The following LRRC53 variants were observed in gnomAD, a reference collection of about 807,000 sequenced individuals.
LRRC53 encodes the protein leucine rich repeat containing 53, also known as leucine-rich repeat-containing protein 53.
In LRRC53, 25 loss-of-function variants were observed where a neutral mutation model predicts 13.6. The observed-to-expected ratio is 1.83, with a 90% confidence interval of 1.34 to 2.56. The LOEUF (loss-of-function observed/expected upper bound fraction) is 2.56, where lower values mean the gene tolerates loss of function less well. LRRC53 is among the 30% of genes most tolerant of loss of function. The pLI is 0.00. For synonymous variants in LRRC53, 204 were observed against 109.8 expected, an observed-to-expected ratio of 1.86 and a Z score of -5.37; for missense variants, 527 against 275.8, an observed-to-expected ratio of 1.91 and a Z score of -6.45.
At position 74,469,580 on chromosome 1, in the gene LRRC53, T is replaced by A. The variant is rs547342007; in HGVS notation, c.*298A>T. 370 of 86,710 alleles carry A rather than the reference T, an allele frequency of 4.3e-3. 2 individuals carry two copies. The African/African-American group carries it at 0.094, about 22-fold the overall frequency. The allele number at this position is 86,710 out of a possible 1,614,324, so 5.4% of individuals were successfully genotyped here. On this transcript the variant is annotated 3_prime_UTR_variant, in exon 5 of 5. Transcript: ENST00000294635. ...TGTAGTTTTTCATTTGTTTAAGGCT[T>A]TTTTTTTTTCAATGTTTGCTTGCTT...
chr1:74,499,443 T>C (rs1669496413), intron 1 of LRRC53, among the ~76,000 whole-genome samples: 1 of 152,222 alleles, frequency 6.6e-6, no homozygotes, highest in African/African-American at 2.4e-5. Context: ...ACAATAACTT[T>C]TATTAAAGTA....
chr1:74,516,675 G>C (rs555341236), upstream of LRRC53, among the ~76,000 whole-genome samples: 77 of 152,262 alleles, frequency 5.1e-4, no homozygotes, highest in African/African-American at 1.7e-3. Flanking sequence ...CGTTTAAAAA[G>C]AAGGACATTT....
chr1:74,481,150 T>A (rs1668482112), intron 2 of LRRC53, among the ~76,000 whole-genome samples, 182 bp from the exon 3 acceptor site: 2 of 152,222 alleles, frequency 1.3e-5, no homozygotes, highest in South Asian at 4.1e-4. Context: ...TGGCTATATA[T>A]CAAAATGATG....
At chr1:74,532,462 CTT>C in the LRRC53 span, among the ~76,000 whole-genome samples, 161 of 151,328 alleles carry the variant, frequency 1.1e-3, no homozygotes, top group African/African-American at 3.8e-3. Flanking sequence ...TTATTTTTTT[CTT>C]TTTTTTCTTT....
intron 1 of LRRC53, among the ~76,000 whole-genome samples, chr1:74,505,125 A>C (rs1021663900): frequency 3.3e-5 from 5 of 152,152 alleles, no homozygotes; most frequent in Admixed American, 6.5e-5. Context: ...GCCCACTCTT[A>C]AGCACATCAA....
chr1:74,523,170 T>C, the LRRC53 span, among the ~76,000 whole-genome samples: 4 of 152,186 alleles, frequency 2.6e-5, no homozygotes, highest in African/African-American at 9.6e-5. Context: ...GAAAACAATA[T>C]ATATAATAAT....
the LRRC53 span, among the ~76,000 whole-genome samples, chr1:74,531,169 AT>A: frequency 1.3e-5 from 2 of 152,254 alleles, no homozygotes. Flanking sequence ...TGAAAGAGAT[AT>A]TTTGCACTAA....
At chr1:74,475,116 CCACACACACACACACACA>C (rs3058791) in intron 4 of LRRC53, among the ~76,000 whole-genome samples, 161 bp downstream of exon 4, 6 of 135,912 alleles carry the variant, frequency 4.4e-5, no homozygotes, top group South Asian at 2.6e-4. Context: ...CCACCTCAGC[CCACACACACACACACACA>C]CACACACACA....
chr1:74,518,178 G>T, the LRRC53 span, among the ~76,000 whole-genome samples: 1 of 152,180 alleles, frequency 6.6e-6, no homozygotes, highest in East Asian at 1.9e-4. Context: ...TGGCCCAGTG[G>T]AGTAGATGGA....
intron 1 of LRRC53, among the ~76,000 whole-genome samples, chr1:74,509,010 G>T (rs1051436939): frequency 1.3e-5 from 2 of 152,152 alleles, no homozygotes; most frequent in Admixed American, 6.5e-5. Context: ...CCCACGGATG[G>T]ATAAACCCCT....
intron 3 of LRRC53, among the ~76,000 whole-genome samples, chr1:74,476,529 C>T (rs1428939337): frequency 2.6e-5 from 4 of 152,034 alleles, no homozygotes; most frequent in Non-Finnish European, 5.9e-5. Flanking sequence ...ACATTCTATC[C>T]CCAGTGTCCA....
the LRRC53 span, among the ~76,000 whole-genome samples, chr1:74,521,987 G>A: frequency 6.6e-6 from 1 of 152,154 alleles, no homozygotes; most frequent in Non-Finnish European, 1.5e-5. Context: ...GATCCAGGTA[G>A]AGTAAAAAAA....
intron 1 of LRRC53, among the ~76,000 whole-genome samples, chr1:74,495,521 A>C (rs553084722): frequency 6.6e-6 from 1 of 152,172 alleles, no homozygotes; most frequent in Non-Finnish European, 1.5e-5. Context: ...AGCCTTAACT[A>C]TTTTCTCTTT....
Position 74,492,211 on chromosome 1 carries a change from C to T in LRRC53, c.-26-8836G>A, listed in dbSNP as rs374334124. 6.2e-6 allele frequency: 10 copies of T among 1,612,644 alleles called. No homozygotes were observed. In the African/African-American group the frequency reaches 6.7e-5, roughly 11 times the overall value. On this transcript the variant is annotated intron_variant, in intron 1 of 4. Coordinates refer to ENST00000294635, the MANE Select transcript of LRRC53 (RefSeq NM_001382280.1). Reference sequence around the variant, plus strand: ...GAGTCATGTGGCAGCATTAAGAAGTCGTTTCGAATTGGAATATGCTCTAAA... The same window carrying T: ...GAGTCATGTGGCAGCATTAAGAAGTTGTTTCGAATTGGAATATGCTCTAAA...
At chr1:74,474,977 A>AC (rs1197301253) in intron 4 of LRRC53, among the ~76,000 whole-genome samples, 2 of 149,096 alleles carry the variant, frequency 1.3e-5, no homozygotes, top group Admixed American at 6.8e-5. Flanking sequence ...ATAGATCTTA[A>AC]CAGCACTATT....
chr1:74,524,872 G>A, the LRRC53 span, among the ~76,000 whole-genome samples: 1 of 152,272 alleles, frequency 6.6e-6, no homozygotes, highest in Admixed American at 6.5e-5. Flanking sequence ...GCAGGGGTTT[G>A]GGCAGAGAGG....
the LRRC53 span, among the ~76,000 whole-genome samples, chr1:74,535,853 C>T: frequency 1.3e-5 from 2 of 152,160 alleles, no homozygotes; most frequent in African/African-American, 2.4e-5. Flanking sequence ...CAGATCTCCC[C>T]TTCTTACTTA....
In LRRC53 at chr1:74,480,464, T is replaced by G. The variant is rs1315242159; in HGVS notation, c.593A>C (p.Asp198Ala). The change falls in exon 3 of 5, where the codon GAT becomes GCT. Residue 198 changes from aspartate (D) to alanine (A), a missense_variant. By Grantham distance (126) the Asp-to-Ala change is moderately radical. Coordinates refer to ENST00000294635, the MANE Select transcript of LRRC53 (RefSeq NM_001382280.1). Reference sequence around the variant, plus strand: ...TAACTGCTTCAGTGGAGTAAACACATCCGGCATGTGGGCTAACCTATTTCG... The same window carrying G: ...TAACTGCTTCAGTGGAGTAAACACAGCCGGCATGTGGGCTAACCTATTTCG... ...LSRNRLAHMPDVFTPLKQLIL... is the reference protein window; with the variant it reads ...LSRNRLAHMPAVFTPLKQLIL... 4.2e-6 allele frequency: 3 copies of G among 717,498 alleles called. No homozygotes were observed. Among genetic ancestry groups the G allele is most frequent in the Non-Finnish European group, 7.8e-6 (3 of 385,088 alleles). 44.4% of individuals were successfully genotyped at this position (717,498 alleles called of 1,614,324 possible).
chr1:74,488,000 G>T (rs1001398341), intron 1 of LRRC53, among the ~76,000 whole-genome samples: 1 of 152,186 alleles, frequency 6.6e-6, no homozygotes, highest in Admixed American at 6.5e-5. Context: ...AAGGAGTTTG[G>T]AGGACAAGCT....
Sources: allele counts gnomAD v4.1 joint callset (sites outside exome capture counted in the v4.1 genomes callset), GRCh38; gene constraint gnomAD v4.1.1; transcripts MANE v1.5; gene names NCBI Gene and HGNC (gene_info 2026-07-23, HGNC 2026-07-21).